OXR1: variants seen among roughly 807,000 people sequenced by gnomAD.
OXR1 encodes the protein oxidation resistance protein 1.
OXR1 carries 41 observed loss-of-function variants against 104.6 expected under a neutral mutation model. The observed-to-expected ratio is 0.39, with a 90% CI of 0.31 to 0.51. The LOEUF (loss-of-function observed/expected upper bound fraction) is 0.51. Among genes scored for constraint, OXR1 ranks in the 20% least tolerant of loss-of-function variants. The pLI, the probability that OXR1 is intolerant of heterozygous loss-of-function variation, is 0.77. For synonymous variants in OXR1, 348 were observed against 348.4 expected (o/e 1.00, Z 0.01); for missense variants, 955 against 1,031.9 (o/e 0.93, Z 1.02).
chr8:106,406,597 A>G (rs1818245759), intron 2 of OXR1, among the ~76,000 whole-genome samples: 2 of 152,204 alleles, frequency 1.3e-5, no homozygotes, highest in Admixed American at 1.3e-4. Context: ...GCTAATCCAA[A>G]AAGGCTACAT....
chr8:106,276,877 G>C (rs1423062010), intron 1 of OXR1, among the ~76,000 whole-genome samples: 1 of 151,536 alleles, frequency 6.6e-6, no homozygotes, highest in Non-Finnish European at 1.5e-5. Flanking sequence ...AAAATAAGTA[G>C]AGCTTTAGGT....
At chr8:106,307,434 A>G (rs752937241) in intron 1 of OXR1, among the ~76,000 whole-genome samples, 2 of 151,550 alleles carry the variant, frequency 1.3e-5, no homozygotes, top group African/African-American at 4.9e-5. Context: ...TCATCCACCC[A>G]TTGTCTTCGG....
At chr8:106,516,648 C>A (rs578213112) in intron 2 of OXR1, among the ~76,000 whole-genome samples, 1 of 152,088 alleles carries the variant, frequency 6.6e-6, no homozygotes, top group South Asian at 2.1e-4. Flanking sequence ...TTATTACCAC[C>A]TTTTTGTGGC....
chr8:106,343,726 C>G (rs1186528978), intron 1 of OXR1, among the ~76,000 whole-genome samples: 2 of 152,180 alleles, frequency 1.3e-5, no homozygotes, highest in Non-Finnish European at 2.9e-5. Context: ...CAAACTCTTG[C>G]TGGAAGAATG....
chr8:106,357,202 A>G (rs534246002), intron 1 of OXR1, among the ~76,000 whole-genome samples: 15 of 150,810 alleles, frequency 9.9e-5, no homozygotes, highest in African/African-American at 1.9e-4. Flanking sequence ...ATGTGTATAT[A>G]TGTGTGTGTG....
intron 3 of OXR1, among the ~76,000 whole-genome samples, chr8:106,558,803 T>C (rs1816470283): frequency 6.6e-6 from 1 of 152,192 alleles, no homozygotes; most frequent in Admixed American, 6.5e-5. Context: ...TGGTATTCCC[T>C]ATATCTTCAC....
chr8:106,310,780 T>C (rs1312538905), intron 1 of OXR1, among the ~76,000 whole-genome samples: 1 of 152,224 alleles, frequency 6.6e-6, no homozygotes, highest in African/African-American at 2.4e-5. Context: ...GCTATTCTGC[T>C]ACCTAACATT....
chr8:106,348,560 T>A (rs1039518), intron 1 of OXR1, among the ~76,000 whole-genome samples: 116,040 of 151,936 alleles, frequency 0.76, 45,386 homozygotes, highest in African/African-American at 0.94. Flanking sequence ...TCCACATGGG[T>A]TTGAACCTTT....
At chr8:106,279,116 A>G (rs1812178100) in intron 1 of OXR1, among the ~76,000 whole-genome samples, 1 of 152,196 alleles carries the variant, frequency 6.6e-6, no homozygotes, top group African/African-American at 2.4e-5. Context: ...CGACTAAAGT[A>G]TCATTGAAGT....
At chr8:106,501,482 T>C (rs1811805557) in intron 2 of OXR1, among the ~76,000 whole-genome samples, 1 of 152,190 alleles carries the variant, frequency 6.6e-6, no homozygotes, top group African/African-American at 2.4e-5. Context: ...CGATCTGAAT[T>C]ATGTTTTTTA....
At chr8:106,338,264 C>T (rs968218089) in intron 1 of OXR1, among the ~76,000 whole-genome samples, 8 of 152,044 alleles carry the variant, frequency 5.3e-5, no homozygotes, top group Non-Finnish European at 1.5e-5. Context: ...GTCCAGTCTG[C>T]TTTGCCCCTT....
intron 3 of OXR1, among the ~76,000 whole-genome samples, chr8:106,633,179 C>A (rs1292362942): frequency 6.6e-6 from 1 of 151,938 alleles, no homozygotes; most frequent in East Asian, 1.9e-4. Context: ...TTGCAGTGAG[C>A]CGAGATTGCG....
intron 1 of OXR1, among the ~76,000 whole-genome samples, chr8:106,287,994 T>C (rs1296063293): frequency 2.6e-5 from 4 of 152,168 alleles, no homozygotes; most frequent in African/African-American, 9.7e-5. Context: ...GAGTTTCCTG[T>C]GCGTTTGGAT....
intron 8 of OXR1, among the ~76,000 whole-genome samples, chr8:106,704,390 CTTCTTTTTTTTTTTT>C (rs1423293658): frequency 5.1e-4 from 39 of 75,820 alleles, no homozygotes; most frequent in Non-Finnish European, 8.2e-4. Flanking sequence ...TTTCTTTCTT[CTTCTTTTTTTTTTTT>C]TTTTTTTTTT....
intron 6 of OXR1, among the ~76,000 whole-genome samples, chr8:106,686,356 C>G (rs1828723915): frequency 6.6e-6 from 1 of 150,448 alleles, no homozygotes. Flanking sequence ...ATACTCTTTA[C>G]CTGCCATCAA....
At chr8:106,303,248 CTTTTTT>C (rs1164596413) in intron 1 of OXR1, among the ~76,000 whole-genome samples, 2 of 92,332 alleles carry the variant, frequency 2.2e-5, no homozygotes, top group Non-Finnish European at 4.1e-5. Flanking sequence ...TTTTTTCTTT[CTTTTTT>C]TTTTTTTTTT....
chr8:106,478,382 T>C (rs1257639164), intron 2 of OXR1, among the ~76,000 whole-genome samples: 1 of 151,890 alleles, frequency 6.6e-6, no homozygotes, highest in Non-Finnish European at 1.5e-5. Context: ...TTTTATTGTA[T>C]TATATATTTT....
Position 106,706,391 on chromosome 8 carries a change from T to G in OXR1, c.870T>G (p.Asp290Glu). The G allele has an allele frequency of 6.4e-7, 1 of 1,568,228 alleles. No individual in the cohort carries two copies. The highest frequency in any genetic ancestry group is 1.2e-5 in the South Asian group (1 of 81,654). ...TTTTGTTTAATGACAGAGATATAGATCAGCTATCAGGAAGGGACTTCTGCC... is the reference window on the plus strand; with the variant it reads ...TTTTGTTTAATGACAGAGATATAGAGCAGCTATCAGGAAGGGACTTCTGCC... ...KIKESLPIDI[D>E]QLSGRDFCHS... is the part of the protein sequence containing the mutation. Residue 290 changes from aspartate (D) to glutamate (E), a missense_variant, in exon 9 of 17, where the codon GAT (aspartate) becomes GAG (glutamate). Transcript: ENST00000517566.
At chr8:106,646,731 C>T (rs1331074114) in intron 3 of OXR1, among the ~76,000 whole-genome samples, 1 of 152,198 alleles carries the variant, frequency 6.6e-6, no homozygotes, top group Non-Finnish European at 1.5e-5. Context: ...TGTAGACACA[C>T]ACTCTCTACT....
Sources: allele counts gnomAD v4.1 joint callset (sites outside exome capture counted in the v4.1 genomes callset), GRCh38; gene constraint gnomAD v4.1.1; transcripts MANE v1.5; gene names NCBI Gene and HGNC (gene_info 2026-07-23, HGNC 2026-07-21).